Variants in CACNB2 observed in about 807,000 individuals in gnomAD.
The protein encoded by CACNB2 is voltage-dependent L-type calcium channel subunit beta-2.
CACNB2 carries 42 observed loss-of-function variants against 73.3 expected under a neutral mutation model. That is an observed-to-expected ratio of 0.57 (90% CI 0.45 to 0.74). CACNB2 has a LOEUF of 0.74. Among genes scored for constraint, CACNB2 ranks in the 30% least tolerant of loss-of-function variants. CACNB2 has a pLI of 0.00. For missense variants in CACNB2, 940 were observed against 853.0 expected (o/e 1.10, Z -1.27); for synonymous variants, 348 against 310.3 (o/e 1.12, Z -1.28).
intron 2 of CACNB2, among the ~76,000 whole-genome samples, chr10:18,163,817 G>C (rs1031530329): frequency 2.7e-4 from 41 of 152,174 alleles, no homozygotes; most frequent in African/African-American, 9.7e-4. Context: ...CTGTGAGAGA[G>C]ACCAGGACCC....
Position 18,534,200 on chromosome 10 carries a change from A to C in CACNB2, c.1179A>C (p.Ile393=), listed in dbSNP as rs766549572. The change falls in exon 11 of 14, where the codon ATA becomes ATC. Residue 393 remains isoleucine (I), a synonymous_variant. Coordinates refer to ENST00000324631, the MANE Select transcript of CACNB2 (RefSeq NM_201596.3). ...GTAAAACCTCCTTGGCCCCTATTAT[A>C]GTATATGTAAAGATTTCTTCTCCTA... ...QLSKTSLAPI[I]VYVKISSPKV... The C allele has an allele frequency of 6.2e-7, 1 of 1,613,496 alleles. No homozygotes were observed. The highest frequency in any genetic ancestry group is 1.1e-5 in the South Asian group (1 of 91,062).
chr10:18,371,706 G>C (rs1205566642), intron 2 of CACNB2, among the ~76,000 whole-genome samples: 4 of 152,052 alleles, frequency 2.6e-5, no homozygotes, highest in Admixed American at 2.6e-4. Context: ...ATAATCCTTT[G>C]GGTATATACC....
intron 3 of CACNB2, among the ~76,000 whole-genome samples, chr10:18,497,440 G>C (rs909229195): frequency 1.6e-4 from 25 of 151,518 alleles, no homozygotes; most frequent in African/African-American, 6.1e-4. Flanking sequence ...TTTTTTTTGA[G>C]ACAGGGACTG....
At chr10:18,263,911 T>A (rs1474938152) in intron 2 of CACNB2, among the ~76,000 whole-genome samples, 1 of 152,234 alleles carries the variant, frequency 6.6e-6, no homozygotes, top group African/African-American at 2.4e-5. Context: ...CAATATCTAG[T>A]CTTCATTCTT....
chr10:18,455,091 C>G (rs1013562688), intron 3 of CACNB2, among the ~76,000 whole-genome samples: 4 of 149,790 alleles, frequency 2.7e-5, no homozygotes, highest in African/African-American at 9.8e-5. Context: ...AAAGTCAACA[C>G]CAAAGTCATA....
chr10:18,367,241 A>C (rs943052108), intron 2 of CACNB2, among the ~76,000 whole-genome samples: 7 of 151,990 alleles, frequency 4.6e-5, no homozygotes, highest in Non-Finnish European at 8.8e-5. Flanking sequence ...ACTAGCACAA[A>C]TGTTGAAATA....
intron 3 of CACNB2, among the ~76,000 whole-genome samples, chr10:18,480,756 C>T (rs1306624849): frequency 6.6e-6 from 1 of 152,142 alleles, no homozygotes; most frequent in East Asian, 1.9e-4. Flanking sequence ...ACGAATTTAT[C>T]CCCTGCTGGT....
rs143616647 is a variant in CACNB2, at chr10:18,357,516, C to T, written c.214-44408C>T. Among the ~76,000 whole-genome samples the T allele has an allele frequency of 3.1e-3, 466 of 152,190 alleles. 2 individuals carry two copies. Among genetic ancestry groups the T allele is most frequent in the African/African-American group, 0.011 (439 of 41,548 alleles). ...GCGGTGATGTACACCTACAGGTGTG[C>T]GGCTATTAAAGACAATAGTTAACAA... On this transcript the variant is annotated intron_variant, in intron 2 of 13. Coordinates refer to ENST00000324631, the MANE Select transcript of CACNB2 (RefSeq NM_201596.3).
intron 2 of CACNB2, among the ~76,000 whole-genome samples, chr10:18,269,754 C>T (rs549932217): frequency 6.6e-5 from 10 of 152,190 alleles, no homozygotes; most frequent in African/African-American, 2.4e-4. Context: ...GTTCCTCCCT[C>T]TCTCTGCTCC....
chr10:18,420,496 G>A (rs1362660064), intron 3 of CACNB2, among the ~76,000 whole-genome samples: 2 of 152,110 alleles, frequency 1.3e-5, no homozygotes, highest in Non-Finnish European at 2.9e-5. Flanking sequence ...AAGATCGATG[G>A]ATGTCTCACC....
intron 3 of CACNB2, among the ~76,000 whole-genome samples, chr10:18,480,777 A>G (rs1453320666): frequency 6.6e-6 from 1 of 152,210 alleles, no homozygotes; most frequent in African/African-American, 2.4e-5. Flanking sequence ...GGGCATGAAA[A>G]TTAGCACATC....
In CACNB2 at chr10:18,532,860, T is replaced by G. The variant is rs534410927; in HGVS notation, c.1055-1216T>G. Among the ~76,000 whole-genome samples, 15 of 152,280 alleles carry G rather than the reference T, an allele frequency of 9.9e-5. No individual in the cohort carries two copies. In the South Asian group the frequency reaches 1.5e-3, roughly 15 times the overall value. ...TCTTTGTGATCAGATTTCTTAATGC[T>G]TACAGTAAATATTAATTTAGGTTGT... is the stretch of plus-strand genomic sequence containing the variant. On this transcript the variant is annotated intron_variant, in intron 10 of 13. Coordinates refer to ENST00000324631, the MANE Select transcript of CACNB2 (RefSeq NM_201596.3).
At chr10:18,312,918 G>A (rs1025698730) in intron 2 of CACNB2, among the ~76,000 whole-genome samples, 20 of 152,142 alleles carry the variant, frequency 1.3e-4, no homozygotes, top group Non-Finnish European at 2.1e-4. Flanking sequence ...ACCAAGAGAA[G>A]AGCAAGTGAC....
At chr10:18,241,456 G>A (rs147915180) in intron 2 of CACNB2, among the ~76,000 whole-genome samples, 3 of 151,836 alleles carry the variant, frequency 2.0e-5, no homozygotes, top group Non-Finnish European at 4.4e-5. Context: ...CTAGGGGAGG[G>A]ATAGCATTAG....
chr10:18,141,147 T>C, intron 1 of CACNB2: 1 of 1,385,064 alleles, frequency 7.2e-7, no homozygotes, highest in Non-Finnish European at 9.6e-7. Flanking sequence ...CTGGCCCTCC[T>C]CGCCCCTTCC....
chr10:18,287,515 A>C (rs191513974), intron 2 of CACNB2, among the ~76,000 whole-genome samples: 2 of 152,220 alleles, frequency 1.3e-5, no homozygotes, highest in East Asian at 3.9e-4. Context: ...GTGTGGTTTA[A>C]TACAACAGAA....
intron 4 of CACNB2, 92 bp downstream of exon 4, chr10:18,498,569 A>G (rs2049981781): frequency 8.0e-7 from 1 of 1,254,780 alleles, no homozygotes; most frequent in Admixed American, 1.7e-5. Context: ...TCTGTGAAGT[A>G]GCATTGCACA....
At chr10:18,201,429 C>T (rs1332287108) in intron 2 of CACNB2, among the ~76,000 whole-genome samples, 2 of 152,130 alleles carry the variant, frequency 1.3e-5, no homozygotes, top group Non-Finnish European at 2.9e-5. Flanking sequence ...CATGCGCCAC[C>T]AGGTCCAGCT....
chr10:18,220,056 C>T (rs1209874878), intron 2 of CACNB2, among the ~76,000 whole-genome samples: 2 of 143,898 alleles, frequency 1.4e-5, no homozygotes, highest in African/African-American at 2.5e-5. Context: ...TATGAGCCAC[C>T]ACCCCTGGCC....
Sources: gnomAD v4.1 joint callset for allele counts (sites outside exome capture counted in the v4.1 genomes callset) on GRCh38, gnomAD v4.1.1 for gene constraint, MANE v1.5 for transcripts, NCBI Gene and HGNC (gene_info 2026-07-23, HGNC 2026-07-21) for gene names.